The following NFILZ variants were observed in gnomAD, a reference collection of about 807,000 sequenced individuals.
NFILZ encodes NFIL3 like basic leucine zipper.
chr19:8,665,824 G>A (rs1555749712), intron 3 of NFILZ, among the ~76,000 whole-genome samples: 1 of 152,148 alleles, frequency 6.6e-6, no homozygotes, highest in African/African-American at 2.4e-5. Flanking sequence ...CCTTGTAAGC[G>A]ACATGCCTAA....
intron 3 of NFILZ, among the ~76,000 whole-genome samples, chr19:8,647,793 G>GCACACACA (rs1329041998): frequency 1.3e-3 from 93 of 69,650 alleles, no homozygotes; most frequent in Middle Eastern, 9.8e-3. Context: ...GCGCGCGCGC[G>GCACACACA]CGCACACACA....
At chr19:8,643,159 A>T (rs760634008) in intron 3 of NFILZ, among the ~76,000 whole-genome samples, 6 of 152,148 alleles carry the variant, frequency 3.9e-5, no homozygotes, top group Non-Finnish European at 8.8e-5. Context: ...TCTGTTGCTC[A>T]GGCTGGTCTC....
intron 3 of NFILZ, among the ~76,000 whole-genome samples, chr19:8,658,218 C>T (rs1415828496): frequency 3.3e-5 from 5 of 152,118 alleles, no homozygotes; most frequent in African/African-American, 9.7e-5. Flanking sequence ...CCACCACTTC[C>T]GAGCCGGGAG....
At chr19:8,638,289 G>A (rs1555746303) in intron 3 of NFILZ, among the ~76,000 whole-genome samples, 4 of 152,276 alleles carry the variant, frequency 2.6e-5, no homozygotes, top group South Asian at 4.1e-4. Flanking sequence ...GAATTTACAC[G>A]TGCGTTCATG....
intron 3 of NFILZ, among the ~76,000 whole-genome samples, chr19:8,651,791 C>A (rs2042965933): frequency 1.3e-5 from 2 of 152,140 alleles, no homozygotes; most frequent in Admixed American, 1.3e-4. Context: ...CTGCGGCCTC[C>A]CAAAGTGCTG....
intron 3 of NFILZ, among the ~76,000 whole-genome samples, chr19:8,653,939 C>A (rs1230808773): frequency 6.6e-6 from 1 of 152,088 alleles, no homozygotes; most frequent in Non-Finnish European, 1.5e-5. Flanking sequence ...TCCATGTAAT[C>A]AACACCAGGC....
At chr19:8,647,795 G>GCGCACACACA (rs1189605746) in intron 3 of NFILZ, among the ~76,000 whole-genome samples, 18 of 76,332 alleles carry the variant, frequency 2.4e-4, no homozygotes, top group East Asian at 8.9e-4. Context: ...GCGCGCGCGC[G>GCGCACACACA]CACACACACA....
At chr19:8,644,438 A>G (rs1173088008) in intron 3 of NFILZ, among the ~76,000 whole-genome samples, 1 of 152,006 alleles carries the variant, frequency 6.6e-6, no homozygotes. Flanking sequence ...ACTCATTTCC[A>G]GCGGAGGTCA....
At chr19:8,654,186 C>T (rs782615196) in intron 3 of NFILZ, among the ~76,000 whole-genome samples, 11 of 151,708 alleles carry the variant, frequency 7.3e-5, no homozygotes, top group South Asian at 4.2e-4. Flanking sequence ...GAGCTGAGGT[C>T]GTCTCATTGC....
intron 2 of NFILZ, among the ~76,000 whole-genome samples, chr19:8,635,280 A>G (rs2042889601): frequency 6.6e-6 from 1 of 150,514 alleles, no homozygotes; most frequent in Non-Finnish European, 1.5e-5. Flanking sequence ...ACTGCACCTC[A>G]GCCTGGGCAA....
chr19:8,653,042 C>CCTTCTT (rs2042975684), intron 3 of NFILZ, among the ~76,000 whole-genome samples: 1 of 28,274 alleles, frequency 3.5e-5, no homozygotes, highest in Admixed American at 4.0e-4. Context: ...CTTTCTTTCT[C>CCTTCTT]TCTCTCTCTC....
In NFILZ at chr19:8,679,162, C is replaced by G. The variant is rs1055275333; in HGVS notation, c.*1527C>G. ...CTGCCCCTGAGAACCAGGTATACAC[C>G]CACCCAGGTGGAAGGGTCCATTCTG... On this transcript the variant is annotated 3_prime_UTR_variant, in exon 6 of 6. Coordinates refer to ENST00000691075, the MANE Select transcript of NFILZ (RefSeq NM_001378600.1). Among the ~76,000 whole-genome samples the G allele has an allele frequency of 3.5e-5, 5 of 144,870 alleles. No homozygotes were observed. Among genetic ancestry groups the G allele is most frequent in the Admixed American group, 7.0e-5 (1 of 14,246 alleles).
intron 3 of NFILZ, among the ~76,000 whole-genome samples, chr19:8,639,720 G>A (rs1600139706): frequency 6.6e-6 from 1 of 152,278 alleles, no homozygotes; most frequent in East Asian, 1.9e-4. Flanking sequence ...GTTGTTGGAA[G>A]GACGACATGA....
chr19:8,670,733 G>A lies in NFILZ; in HGVS notation c.-163-3818G>A, dbSNP rs557011477. On this transcript the variant is annotated intron_variant, in intron 3 of 5. Coordinates refer to ENST00000691075, the MANE Select transcript of NFILZ (RefSeq NM_001378600.1). The stretch of plus-strand genomic sequence containing the variant: ...GACATGGCCAGGCGCTCTGGCTCAT[G>A]CCTGTAATCCCAGCACTTTGGGAGG... Among the ~76,000 whole-genome samples, 15 of 152,246 alleles carry A rather than the reference G, an allele frequency of 9.9e-5. 1 individual carries two copies. In the South Asian group the frequency reaches 2.9e-3, roughly 29 times the overall value.
intron 2 of NFILZ, among the ~76,000 whole-genome samples, chr19:8,633,946 C>CCTT (rs2042883234): frequency 7.6e-6 from 1 of 130,738 alleles, no homozygotes; most frequent in African/African-American, 2.9e-5. Flanking sequence ...TTCCTTCCTT[C>CCTT]CCTCCCTTCT....
chr19:8,635,986 AC>A (rs1363726011), intron 3 of NFILZ, among the ~76,000 whole-genome samples: 3 of 151,926 alleles, frequency 2.0e-5, no homozygotes, highest in Admixed American at 6.6e-5. Flanking sequence ...ACAGGTGCGC[AC>A]CACCACACCC....
chr19:8,656,825 A>G (rs2967710), intron 3 of NFILZ, among the ~76,000 whole-genome samples: 21,290 of 152,118 alleles, frequency 0.14, 1,653 homozygotes, highest in East Asian at 0.35. Flanking sequence ...TGCCTCATGC[A>G]CCAGGGAGGG....
intron 3 of NFILZ, among the ~76,000 whole-genome samples, chr19:8,656,355 C>CT (rs1600147442): frequency 0.051 from 3,809 of 74,020 alleles, 621 homozygotes; most frequent in Non-Finnish European, 0.083. Context: ...CCACCTCTTC[C>CT]CTGAAGCCCA....
rs1555750810 is a variant in NFILZ at position 8,677,459 on chromosome 19, G to A, written c.694G>A (p.Val232Met). 1 of 152,638 alleles carries A rather than the reference G, an allele frequency of 6.6e-6. No individual in the cohort carries two copies. The highest frequency in any genetic ancestry group is 2.4e-5 in the African/African-American group (1 of 41,452). The allele number at this position is 152,638 out of a possible 1,614,324, so 9.5% of individuals were successfully genotyped here. A position where few individuals can be genotyped will look rare whatever the true frequency, so the allele number is the denominator to read the frequency against. Residue 232 changes from valine (V) to methionine (M), a missense_variant, in exon 6 of 6, where the codon GTG becomes ATG. Coordinates refer to ENST00000691075, the MANE Select transcript of NFILZ (RefSeq NM_001378600.1). ...ATGCCGGGCTTCAGGGCCATCAGATGTGTTGCTGACACCCACTGCTGATCC... is the reference window on the plus strand; with the variant it reads ...ATGCCGGGCTTCAGGGCCATCAGATATGTTGCTGACACCCACTGCTGATCC... ...SGCRASGPSD[V>M]LLTPTADPMG... is the part of the protein sequence containing the mutation.
Sources: gnomAD v4.1 joint callset for allele counts (sites outside exome capture counted in the v4.1 genomes callset) on GRCh38, gnomAD v4.1.1 for gene constraint, MANE v1.5 for transcripts, NCBI Gene and HGNC (gene_info 2026-07-23, HGNC 2026-07-21) for gene names.